Variants in NRXN1 observed in about 807,000 individuals in gnomAD.
NRXN1 encodes neurexin-1.
A neutral mutation model predicts 150.9 loss-of-function variants in NRXN1; 39 were observed. That is an observed-to-expected ratio of 0.26 (90% CI 0.20 to 0.34). The LOEUF is 0.34. Ranked by LOEUF, NRXN1 falls within the 10% of genes least tolerant of loss-of-function variation. The pLI is 1.00. For missense variants in NRXN1, 1,815 were observed against 1,949.9 expected, an observed-to-expected ratio of 0.93 and a Z score of 1.30; for synonymous variants, 924 against 757.0, an observed-to-expected ratio of 1.22 and a Z score of -3.62.
rs1173919201 is a variant in NRXN1, at chr2:50,011,647, G to A, written c.4128+41624C>T. Among the ~76,000 whole-genome samples the A allele has an allele frequency of 2.0e-5, 3 of 152,004 alleles. No homozygotes were observed. In the East Asian group the frequency reaches 5.8e-4, roughly 29 times the overall value. Reference sequence around the variant, plus strand: ...TGCCTCACCATCAGAGGCTGGTCAAGTTGCCAGCCTCTAGAAAACATTGAG... The same window carrying A: ...TGCCTCACCATCAGAGGCTGGTCAAATTGCCAGCCTCTAGAAAACATTGAG... On this transcript the variant is annotated intron_variant, in intron 21 of 22. Transcript: ENST00000401669.
intron 17 of NRXN1, among the ~76,000 whole-genome samples, chr2:50,351,683 A>G (rs1402167): frequency 0.58 from 87,695 of 151,910 alleles, 27,677 homozygotes; most frequent in East Asian, 0.92. Flanking sequence ...CTAGCACACT[A>G]CTCTGAGTGA....
intron 5 of NRXN1, among the ~76,000 whole-genome samples, chr2:50,829,271 G>A (rs960774095): frequency 4.6e-5 from 7 of 150,984 alleles, no homozygotes; most frequent in African/African-American, 1.7e-4. Flanking sequence ...GGGAGAGGGA[G>A]AGGGAGAGGG....
intron 18 of NRXN1, among the ~76,000 whole-genome samples, chr2:50,177,435 T>C (rs979541644): frequency 6.6e-6 from 1 of 152,064 alleles, no homozygotes; most frequent in South Asian, 2.1e-4. Flanking sequence ...TGCTGTCCCA[T>C]TTCTATAATA....
intron 21 of NRXN1, among the ~76,000 whole-genome samples, chr2:49,957,906 C>T (rs1187367356): frequency 6.6e-6 from 1 of 152,066 alleles, no homozygotes; most frequent in African/African-American, 2.4e-5. Context: ...GGGTATGGGG[C>T]AGATAAAAAT....
At chr2:50,488,684 T>C (rs1032946718) in intron 15 of NRXN1, among the ~76,000 whole-genome samples, 1 of 152,218 alleles carries the variant, frequency 6.6e-6, no homozygotes, top group African/African-American at 2.4e-5. Context: ...TGAATGGTTT[T>C]ATGCTACTGT....
At chr2:51,016,539 C>T (rs1468445083) in intron 2 of NRXN1, among the ~76,000 whole-genome samples, 1 of 152,130 alleles carries the variant, frequency 6.6e-6, no homozygotes, top group Non-Finnish European at 1.5e-5. Context: ...AAATGCAAAT[C>T]AAAACCACAA....
At chr2:50,886,458 A>G (rs1436427799) in intron 5 of NRXN1, among the ~76,000 whole-genome samples, 1 of 151,436 alleles carries the variant, frequency 6.6e-6, no homozygotes, top group African/African-American at 2.4e-5. Flanking sequence ...CTAATTTTAA[A>G]AAAGGAAATT....
intron 5 of NRXN1, among the ~76,000 whole-genome samples, chr2:50,656,964 A>G (rs1309940322): frequency 6.6e-6 from 1 of 152,028 alleles, no homozygotes. Flanking sequence ...CACTATTAAT[A>G]TTTTATGTAA....
intron 5 of NRXN1, among the ~76,000 whole-genome samples, chr2:50,650,202 T>C (rs1685407937): frequency 6.6e-6 from 1 of 152,066 alleles, no homozygotes; most frequent in African/African-American, 2.4e-5. Flanking sequence ...CTTCTGATAC[T>C]GGGTAAGATC....
At chr2:50,748,619 G>A (rs1412109066) in intron 5 of NRXN1, among the ~76,000 whole-genome samples, 1 of 151,984 alleles carries the variant, frequency 6.6e-6, no homozygotes, top group East Asian at 1.9e-4. Context: ...GGCTTCCTTG[G>A]TTGGGACACA....
intron 17 of NRXN1, among the ~76,000 whole-genome samples, chr2:50,455,253 T>G (rs189529613): frequency 1.1e-3 from 160 of 152,114 alleles, no homozygotes; most frequent in African/African-American, 3.7e-3. Context: ...GGAGAGAGAA[T>G]TTTCCTGGAG....
chr2:50,947,878 CTGAG>C (rs1363327990), intron 2 of NRXN1, among the ~76,000 whole-genome samples: 9 of 151,882 alleles, frequency 5.9e-5, no homozygotes, highest in African/African-American at 2.2e-4. Context: ...TCTCATCACG[CTGAG>C]TATCAATTTG....
intron 5 of NRXN1, among the ~76,000 whole-genome samples, chr2:50,804,121 A>G (rs539951888): frequency 1.3e-5 from 2 of 152,328 alleles, no homozygotes; most frequent in South Asian, 4.1e-4. Context: ...CAAACAGCGA[A>G]TCAGTTCTCG....
At chr2:50,355,018 T>G (rs992609746) in intron 17 of NRXN1, among the ~76,000 whole-genome samples, 1 of 152,066 alleles carries the variant, frequency 6.6e-6, no homozygotes, top group Admixed American at 6.6e-5. Flanking sequence ...TAAACACAGA[T>G]ACTCAAACCA....
chr2:50,091,549 A>G (rs1359288779), intron 18 of NRXN1, 55 bp from the exon 19 acceptor site: 1 of 1,556,504 alleles, frequency 6.4e-7, no homozygotes, highest in East Asian at 2.2e-5. Flanking sequence ...TCACCATTTA[A>G]TAAAGATTAC....
intron 5 of NRXN1, among the ~76,000 whole-genome samples, chr2:50,901,890 T>C (rs996412713): frequency 6.6e-6 from 1 of 152,198 alleles, no homozygotes; most frequent in African/African-American, 2.4e-5. Context: ...TCATTTATCA[T>C]TGCAACACGC....
intron 18 of NRXN1, among the ~76,000 whole-genome samples, chr2:50,155,521 T>C (rs2058964119): frequency 6.6e-6 from 1 of 151,642 alleles, no homozygotes; most frequent in South Asian, 2.1e-4. Context: ...TATTCTCATA[T>C]GCTCCTTCTA....
chr2:50,429,610 A>C (rs2084784854), intron 17 of NRXN1, among the ~76,000 whole-genome samples: 1 of 152,216 alleles, frequency 6.6e-6, no homozygotes, highest in Non-Finnish European at 1.5e-5. Flanking sequence ...TCCAAGAGAA[A>C]TAGATCAAGA....
intron 18 of NRXN1, among the ~76,000 whole-genome samples, chr2:50,168,894 C>T (rs2059847171): frequency 6.6e-6 from 1 of 152,144 alleles, no homozygotes; most frequent in Non-Finnish European, 1.5e-5. Flanking sequence ...GTATCCTTTT[C>T]TTTCCTCCCC....
Sources: gnomAD v4.1 joint callset for allele counts (sites outside exome capture counted in the v4.1 genomes callset) on GRCh38, gnomAD v4.1.1 for gene constraint, MANE v1.5 for transcripts, NCBI Gene and HGNC (gene_info 2026-07-23, HGNC 2026-07-21) for gene names.